The following PLXNA1 variants were observed in gnomAD, a reference collection of about 807,000 sequenced individuals.
PLXNA1 encodes the protein plexin A1.
In PLXNA1, 77 loss-of-function variants were observed where a neutral mutation model predicts 191.7. That is an observed-to-expected ratio of 0.40 (90% CI 0.33 to 0.49). The LOEUF is 0.49. Ranked by LOEUF, PLXNA1 falls within the 20% of genes least tolerant of loss-of-function variation. PLXNA1 has a pLI of 0.63. For missense variants in PLXNA1, 2,110 were observed against 2,660.2 expected (o/e 0.79, Z 4.55); for synonymous variants, 1,137 against 1,156.4 (o/e 0.98, Z 0.34).
Position 127,017,525 on chromosome 3 carries a change from T to G in PLXNA1, c.3377T>G (p.Leu1126Arg). 1 of 1,613,628 alleles carries G rather than the reference T, an allele frequency of 6.2e-7. No homozygotes were observed. Among genetic ancestry groups the G allele is most frequent in the Non-Finnish European group, 8.5e-7 (1 of 1,179,996 alleles). Residue 1126 changes from leucine (L) to arginine (R), a missense_variant, in exon 18 of 32, where the codon CTG (leucine) becomes CGG (arginine). Physicochemically the swap from Leu to Arg is moderately radical, Grantham distance 102. Coordinates refer to ENST00000393409, the MANE Select transcript of PLXNA1 (RefSeq NM_032242.4). ...PPELGERPDE[L>R]GFVMDNVRSL... ...GAGCTGGGGGAGCGGCCGGATGAGC[T>G]GGGCTTCGTCATGGACAACGTGCGC...
chr3:127,027,897 G>A, intron 23 of PLXNA1, 43 bp from the exon 24 acceptor site: 1 of 1,610,382 alleles, frequency 6.2e-7, no homozygotes, highest in Non-Finnish European at 8.5e-7. Flanking sequence ...TTGGGGGTAG[G>A]CCCGGGGGTC....
intron 1 of PLXNA1, among the ~76,000 whole-genome samples, chr3:126,985,716 A>G (rs1398109441): frequency 1.3e-5 from 2 of 152,188 alleles, no homozygotes; most frequent in Non-Finnish European, 2.9e-5. Flanking sequence ...ACCCAAGCCT[A>G]TGAGAGTTGA....
chr3:127,007,832 C>A lies in PLXNA1; in HGVS notation c.2031C>A (p.Cys677Ter). The change falls in exon 9 of 32, where the codon TGC becomes TGA. Residue 677 changes from cysteine (C) to a stop codon, truncating the protein, a stop_gained. Coordinates refer to ENST00000393409, the MANE Select transcript of PLXNA1 (RefSeq NM_032242.4). LOFTEE classifies it high-confidence loss of function. ...CCTGTGTCAACGGCTCCTTTCCCTG[C>A]CACTGGTGCAAATACCGCCACGTGT... ...CLSCVNGSFP[C>*]HWCKYRHVCT... is the part of the protein sequence containing the mutation. The A allele has an allele frequency of 6.2e-7, 1 of 1,612,928 alleles. No homozygotes were observed. The highest frequency in any genetic ancestry group is 8.5e-7 in the Non-Finnish European group (1 of 1,179,478).
At position 127,034,055 on chromosome 3, in the gene PLXNA1, G is replaced by C; in HGVS notation, c.*38G>C. On this transcript the variant is annotated 3_prime_UTR_variant, in exon 32 of 32. Coordinates refer to ENST00000393409, the MANE Select transcript of PLXNA1 (RefSeq NM_032242.4). ...ATCATCCAGCATGATGCAGCGTGAGGACAGCTGAGCAGGGACCGGGACAGC... is the reference window on the plus strand; with the variant it reads ...ATCATCCAGCATGATGCAGCGTGAGCACAGCTGAGCAGGGACCGGGACAGC... 6.5e-7 allele frequency: 1 copy of C among 1,540,812 alleles called. No individual in the cohort carries two copies. The highest frequency in any genetic ancestry group is 8.8e-7 in the Non-Finnish European group (1 of 1,134,276).
Position 127,020,258 on chromosome 3 carries a change from G to A in PLXNA1, c.3952G>A (p.Gly1318Ser). ...HELTNDLDGA[G>S]IPFLDYRTYA... ...GCTGACCAATGACCTGGACGGTGCC[G>A]GCATCCCCTTCCTTGACTACCGGAC... Residue 1318 changes from glycine (G) to serine (S), a missense_variant, in exon 21 of 32, where the codon GGC becomes AGC. By Grantham distance (56) the Gly-to-Ser change is moderately conservative (BLOSUM62 0). This residue lies in a region of PLXNA1 where 559 missense variants were observed against 911.5 expected (regional missense o/e 0.61). Coordinates refer to ENST00000393409, the MANE Select transcript of PLXNA1 (RefSeq NM_032242.4). 1 of 1,613,182 alleles carries A rather than the reference G, an allele frequency of 6.2e-7. No homozygotes were observed. The highest frequency in any genetic ancestry group is 8.5e-7 in the Non-Finnish European group (1 of 1,179,968).
Position 126,988,932 on chromosome 3 carries a change from C to T in PLXNA1, c.339C>T (p.Asn113=), listed in dbSNP as rs201825771. The T allele has an allele frequency of 7.4e-6, 12 of 1,613,098 alleles. No homozygotes were observed. The highest frequency in any genetic ancestry group is 4.0e-5 in the African/African-American group (3 of 74,936). The change falls in exon 2 of 32, where the codon AAC becomes AAT. Residue 113 remains asparagine, a synonymous_variant. Coordinates refer to ENST00000393409, the MANE Select transcript of PLXNA1 (RefSeq NM_032242.4). ...CCCACGGCCTGGGCAGTACTGACAA[C>T]GTCAACAAGCTGCTGCTGCTGGACT... The part of the protein sequence containing the change: ...SCPHGLGSTD[N]VNKLLLLDYA...
rs1402788345 is a variant in PLXNA1, at chr3:127,034,856, G to C, written c.*839G>C. On this transcript the variant is annotated 3_prime_UTR_variant, in exon 32 of 32. Coordinates refer to ENST00000393409, the MANE Select transcript of PLXNA1 (RefSeq NM_032242.4). ...TTTATTCCCCTCCGCGTCCTACACA[G>C]GCTGCCCTGGCAGCTGTCTTCAAGG... is the stretch of plus-strand genomic sequence containing the variant. The C allele has an allele frequency of 6.5e-6, 1 of 152,728 alleles. No homozygotes were observed. The highest frequency in any genetic ancestry group is 2.4e-5 in the African/African-American group (1 of 41,470). The allele number at this position is 152,728 out of a possible 1,614,324, so 9.5% of individuals were successfully genotyped here. A position where few individuals can be genotyped will look rare whatever the true frequency, so the allele number is the denominator to read the frequency against.
chr3:127,035,787 T>C lies in PLXNA1; in HGVS notation c.*1770T>C, dbSNP rs1472556897. 1 of 152,280 alleles carries C rather than the reference T, an allele frequency of 6.6e-6. No individual in the cohort carries two copies. The highest frequency in any genetic ancestry group is 1.5e-5 in the Non-Finnish European group (1 of 68,016). The allele number at this position is 152,280 out of a possible 1,614,324, so 9.4% of individuals were successfully genotyped here. ...TCGGCCCCATGGGGTGTGCCAGTCT[T>C]GCAGTCCGCCCCAGCTGAGTAGCGT... On this transcript the variant is annotated 3_prime_UTR_variant, in exon 32 of 32. Transcript: ENST00000393409.
At position 127,011,198 on chromosome 3, in the gene PLXNA1, C is replaced by G. The variant is rs2079093942; in HGVS notation, c.2113-760C>G. On this transcript the variant is annotated intron_variant, in intron 9 of 31. Coordinates refer to ENST00000393409, the MANE Select transcript of PLXNA1 (RefSeq NM_032242.4). ...AGCCCCTAAGTTGGGGCCAGTGGCC[C>G]TAGCTGCAAGGTGCCACCACCTGCC... is the stretch of plus-strand genomic sequence containing the variant. Among the ~76,000 whole-genome samples, 4 of 152,342 alleles carry G rather than the reference C, an allele frequency of 2.6e-5. No individual in the cohort carries two copies. In the South Asian group the frequency reaches 8.3e-4, roughly 32 times the overall value.
chr3:127,017,994 C>A, intron 19 of PLXNA1, 102 bp downstream of exon 19: 1 of 1,479,942 alleles, frequency 6.8e-7, no homozygotes, highest in South Asian at 1.3e-5. Context: ...CCGAGACTCA[C>A]CCCTAGCTCA....
rs370314406 is a variant in PLXNA1 at position 127,016,732 on chromosome 3, C to T, written c.3182+48C>T. The T allele has an allele frequency of 2.1e-4, 330 of 1,601,402 alleles. 2 individuals carry two copies. The East Asian group carries it at 5.6e-3, about 27-fold the overall frequency. ...CCCTATCCCCAGCTATTGAGAGCAG[C>T]GCTGAGCCAGGAGCTCTTCCACTGG... On this transcript the variant is annotated intron_variant, in intron 16 of 31. Coordinates refer to ENST00000393409, the MANE Select transcript of PLXNA1 (RefSeq NM_032242.4).
chr3:127,016,439 C>G, intron 15 of PLXNA1, 78 bp from the exon 16 acceptor site: 1 of 1,307,076 alleles, frequency 7.7e-7, no homozygotes, highest in East Asian at 2.3e-5. Flanking sequence ...CTGTTCCCAC[C>G]GTCCCTCAAT....
intron 31 of PLXNA1, 72 bp from the exon 32 acceptor site, chr3:127,033,850 C>T: frequency 7.7e-7 from 1 of 1,304,302 alleles, no homozygotes; most frequent in Non-Finnish European, 1.1e-6. Flanking sequence ...ACTCTGGAGG[C>T]ATCTGCCCTG....
chr3:127,033,917 T>C lies in PLXNA1; in HGVS notation c.5596-5T>C. On this transcript the variant is annotated splice_polypyrimidine_tract_variant and splice_region_variant and intron_variant, in intron 31 of 31. Transcript: ENST00000393409. Reference sequence around the variant, plus strand: ...GGCATGCTGACAGTTCTCCTGGCCCTGCAGATCCTGGCAGCCCTGGAGAAG... The same window carrying C: ...GGCATGCTGACAGTTCTCCTGGCCCCGCAGATCCTGGCAGCCCTGGAGAAG... 6.3e-7 allele frequency: 1 copy of C among 1,592,502 alleles called. No individual in the cohort carries two copies. Among genetic ancestry groups the C allele is most frequent in the Non-Finnish European group, 8.5e-7 (1 of 1,170,894 alleles).
Position 127,014,615 on chromosome 3 carries a change from C to T in PLXNA1, c.2742C>T (p.Tyr914=), listed in dbSNP as rs2079113438. Residue 914 remains tyrosine (Y), a synonymous_variant, in exon 13 of 32, where the codon TAC becomes TAT. Transcript: ENST00000393409. ...KVLCSPVESE[Y]ISAEQIVCEI... The stretch of plus-strand genomic sequence containing the variant: ...TGTGCAGCCCTGTGGAGAGCGAGTA[C>T]ATCAGTGCGGAGCAGTGAGTGCAGC... 40 of 1,613,078 alleles carry T rather than the reference C, an allele frequency of 2.5e-5. No homozygotes were observed. The highest frequency in any genetic ancestry group is 3.4e-5 in the Non-Finnish European group (40 of 1,179,810).
intron 3 of PLXNA1, among the ~76,000 whole-genome samples, chr3:127,002,320 A>T (rs1227810643): frequency 6.6e-6 from 1 of 152,188 alleles, no homozygotes; most frequent in African/African-American, 2.4e-5. Context: ...GCGCTCAGGA[A>T]TGCGGCCCTC....
At chr3:127,028,803 A>C in intron 25 of PLXNA1, 190 bp from the exon 26 acceptor site, 2 of 593,072 alleles carry the variant, frequency 3.4e-6, no homozygotes, top group Admixed American at 3.0e-5. Context: ...CTGCTGTGGC[A>C]GATTGGGAGG....
At chr3:127,032,938 G>T (rs776594286) in intron 31 of PLXNA1, 102 bp downstream of exon 31, 1 of 1,288,446 alleles carries the variant, frequency 7.8e-7, no homozygotes, top group Non-Finnish European at 1.1e-6. Flanking sequence ...TGAATCTCTG[G>T]GCTGCCACTG....
At position 127,014,928 on chromosome 3, in the gene PLXNA1, T is replaced by G; in HGVS notation, c.2877+97T>G. On this transcript the variant is annotated intron_variant, in intron 14 of 31. Coordinates refer to ENST00000393409, the MANE Select transcript of PLXNA1 (RefSeq NM_032242.4). ...CTCTTCAGGGCCCCTTGTCTGGCCATGCTCTGCCACTGCTTTTCCACGGCC... is the reference window on the plus strand; with the variant it reads ...CTCTTCAGGGCCCCTTGTCTGGCCAGGCTCTGCCACTGCTTTTCCACGGCC... The G allele has an allele frequency of 3.3e-6, 5 of 1,511,452 alleles. No homozygotes were observed. In the South Asian group the frequency reaches 6.5e-5, roughly 20 times the overall value. 93.6% of individuals were successfully genotyped at this position (1,511,452 alleles called of 1,614,324 possible).
Sources: allele counts gnomAD v4.1 joint callset (sites outside exome capture counted in the v4.1 genomes callset), GRCh38; gene constraint gnomAD v4.1.1; regional missense constraint gnomAD v4.1.1; transcripts MANE v1.5; gene names NCBI Gene and HGNC (gene_info 2026-07-23, HGNC 2026-07-21).